Variants in AGBL1 observed in about 807,000 individuals in gnomAD.
AGBL1 encodes the protein AGBL carboxypeptidase 1, also known as cytosolic carboxypeptidase 4.
AGBL1 carries 130 observed loss-of-function variants against 118.9 expected under a neutral mutation model. The observed-to-expected ratio is 1.09, with a 90% CI of 0.95 to 1.26. The LOEUF (loss-of-function observed/expected upper bound fraction) is 1.26. Among genes scored for constraint, AGBL1 ranks in the 50% most tolerant of loss-of-function variants. The pLI is 0.00. For synonymous variants in AGBL1, 555 were observed against 478.9 expected (o/e 1.16, Z -2.08); for missense variants, 1,584 against 1,298.1 (o/e 1.22, Z -3.38).
At chr15:86,569,525 T>G (rs2083970943) in intron 21 of AGBL1, among the ~76,000 whole-genome samples, 1 of 152,232 alleles carries the variant, frequency 6.6e-6, no homozygotes, top group East Asian at 1.9e-4. Context: ...ATTCAAGTGA[T>G]GCCTTGCTGT....
chr15:87,005,585 A>G (rs750463505), intron 24 of AGBL1, among the ~76,000 whole-genome samples: 6 of 152,034 alleles, frequency 3.9e-5, no homozygotes. Flanking sequence ...CTGATTAGCC[A>G]TTTGTCTAAT....
At chr15:86,793,340 T>A (rs1189649620) in intron 22 of AGBL1, among the ~76,000 whole-genome samples, 1 of 152,228 alleles carries the variant, frequency 6.6e-6, no homozygotes, top group Non-Finnish European at 1.5e-5. Flanking sequence ...CCCATACATC[T>A]ATGGTCAATT....
chr15:87,001,718 C>A, intron 24 of AGBL1, among the ~76,000 whole-genome samples: 1 of 152,074 alleles, frequency 6.6e-6, no homozygotes, highest in East Asian at 1.9e-4. Context: ...ATTTGCATTT[C>A]TCTGATGGCC....
chr15:86,949,742 A>G (rs561232251), intron 23 of AGBL1, among the ~76,000 whole-genome samples: 43 of 152,246 alleles, frequency 2.8e-4, no homozygotes, highest in African/African-American at 9.9e-4. Context: ...TAAAGTAAAA[A>G]TTAAAAAATT....
chr15:86,567,229 A>G (rs142129773), intron 21 of AGBL1, among the ~76,000 whole-genome samples: 4 of 152,360 alleles, frequency 2.6e-5, no homozygotes, highest in Non-Finnish European at 4.4e-5. Flanking sequence ...GAAGTGTAAT[A>G]TACAGCCAGG....
chr15:86,804,945 T>G (rs772513104), intron 22 of AGBL1, among the ~76,000 whole-genome samples: 7 of 152,132 alleles, frequency 4.6e-5, no homozygotes, highest in African/African-American at 7.2e-5. Flanking sequence ...AAGTTTAGAT[T>G]AGCCAATAAG....
intron 18 of AGBL1, among the ~76,000 whole-genome samples, chr15:86,477,867 C>G (rs983739329): frequency 1.9e-4 from 29 of 152,132 alleles, no homozygotes; most frequent in Non-Finnish European, 3.7e-4. Flanking sequence ...AGCAGCACAT[C>G]AAAAAGCTTA....
In AGBL1 at chr15:87,002,400, G is replaced by A. The variant is rs867796481; in HGVS notation, c.3323+14312G>A. Among the ~76,000 whole-genome samples, 77 of 152,024 alleles carry A rather than the reference G, an allele frequency of 5.1e-4. 1 individual carries two copies. Among genetic ancestry groups the A allele is most frequent in the Admixed American group, 9.2e-4 (14 of 15,268 alleles). ...CTGTAGCCTTGTAGTATAGTTTGAAGTCAGGTAGTGTGATGCCTCCAGCTT... is the reference window on the plus strand; with the variant it reads ...CTGTAGCCTTGTAGTATAGTTTGAAATCAGGTAGTGTGATGCCTCCAGCTT... On this transcript the variant is annotated intron_variant, in intron 24 of 24. Transcript: ENST00000441037.
At chr15:86,936,280 AAG>A (rs557834933) in intron 23 of AGBL1, among the ~76,000 whole-genome samples, 48 of 150,694 alleles carry the variant, frequency 3.2e-4, no homozygotes, top group African/African-American at 1.0e-3. Flanking sequence ...CAGAGAGAGA[AAG>A]AGAGAGAGAA....
intron 22 of AGBL1, among the ~76,000 whole-genome samples, chr15:86,753,690 G>A (rs915371494): frequency 6.6e-6 from 1 of 152,014 alleles, no homozygotes; most frequent in Non-Finnish European, 1.5e-5. Context: ...AAGCCACTGC[G>A]CCTGGCCTCA....
At chr15:86,279,907 C>T (rs1016093576) in intron 16 of AGBL1, 124 bp downstream of exon 16, 6 of 1,291,190 alleles carry the variant, frequency 4.6e-6, no homozygotes, top group Non-Finnish European at 2.2e-6. Flanking sequence ...GGAACTACAG[C>T]CTTCCTAAAG....
intron 22 of AGBL1, among the ~76,000 whole-genome samples, chr15:86,789,237 G>C (rs2078457734): frequency 6.6e-6 from 1 of 152,198 alleles, no homozygotes; most frequent in Non-Finnish European, 1.5e-5. Context: ...ACTTCCATAG[G>C]CTCCATTGTT....
intron 24 of AGBL1, among the ~76,000 whole-genome samples, chr15:86,993,006 C>T (rs1447516229): frequency 6.6e-6 from 1 of 152,012 alleles, no homozygotes; most frequent in Non-Finnish European, 1.5e-5. Context: ...AAGCAGAGGT[C>T]CTCAATCTAA....
intron 1 of AGBL1, among the ~76,000 whole-genome samples, chr15:86,113,417 A>G (rs1193749794): frequency 1.3e-5 from 2 of 149,876 alleles, no homozygotes; most frequent in African/African-American, 2.5e-5. Flanking sequence ...CCTCCCGAGT[A>G]GCTAGGATTA....
At chr15:86,345,461 G>A (rs2080522817) in intron 17 of AGBL1, among the ~76,000 whole-genome samples, 1 of 152,148 alleles carries the variant, frequency 6.6e-6, no homozygotes, top group Non-Finnish European at 1.5e-5. Flanking sequence ...TATGAACATA[G>A]ACATTAAAGA....
At chr15:86,100,099 G>T (rs1421064215) in intron 1 of AGBL1, among the ~76,000 whole-genome samples, 1 of 151,888 alleles carries the variant, frequency 6.6e-6, no homozygotes, top group Non-Finnish European at 1.5e-5. Flanking sequence ...ATTGTCAGAT[G>T]GCTTTTATCC....
At chr15:86,330,163 A>G (rs1434393078) in intron 17 of AGBL1, among the ~76,000 whole-genome samples, 2 of 152,146 alleles carry the variant, frequency 1.3e-5, no homozygotes, top group Non-Finnish European at 2.9e-5. Flanking sequence ...AGTTCAGACC[A>G]CTGTGTACTC....
At chr15:86,410,950 T>G (rs12900727) in intron 18 of AGBL1, among the ~76,000 whole-genome samples, 26,343 of 126,268 alleles carry the variant, frequency 0.21, 4,259 homozygotes, top group African/African-American at 0.44. Flanking sequence ...TATATATATA[T>G]AGAGAGAGAT....
chr15:86,831,277 C>T (rs539369446), intron 22 of AGBL1, among the ~76,000 whole-genome samples: 2 of 152,162 alleles, frequency 1.3e-5, no homozygotes, highest in Non-Finnish European at 2.9e-5. Context: ...CCTCCCAAAT[C>T]TCATATCCTC....
Sources: gnomAD v4.1 joint callset for allele counts (sites outside exome capture counted in the v4.1 genomes callset) on GRCh38, gnomAD v4.1.1 for gene constraint, MANE v1.5 for transcripts, NCBI Gene and HGNC (gene_info 2026-07-23, HGNC 2026-07-21) for gene names.